The following MRE11 variants were observed in gnomAD, a reference collection of about 807,000 sequenced individuals.
The protein encoded by MRE11 is double-strand break repair protein MRE11.
Under a neutral mutation model 91.7 loss-of-function variants are expected in MRE11, and 62 were observed. That is an observed-to-expected ratio of 0.68 (90% confidence interval 0.55 to 0.84). The LOEUF is 0.84. Ranked by LOEUF, MRE11 falls within the 40% of genes least tolerant of loss-of-function variation. The pLI is 0.00. For missense variants in MRE11, 796 were observed against 852.9 expected (o/e 0.93, Z 0.83); for synonymous variants, 273 against 271.4 (o/e 1.01, Z -0.06).
intron 12 of MRE11, among the ~76,000 whole-genome samples, 196 bp downstream of exon 12, chr11:94,460,740 T>C (rs1946392411): frequency 1.3e-5 from 2 of 152,172 alleles, no homozygotes; most frequent in Non-Finnish European, 2.9e-5. Flanking sequence ...ACAGTACTAA[T>C]AACTAACATT....
chr11:94,494,004 A>C (rs956675499), upstream of MRE11: 8 of 152,356 alleles, frequency 5.3e-5, no homozygotes, highest in Non-Finnish European at 7.3e-5. Flanking sequence ...CCCGGAAGTG[A>C]GATGCAAGGC....
At chr11:94,471,808 A>G (rs560563611) in intron 7 of MRE11, 49 bp from the exon 8 acceptor site, 28 of 1,425,118 alleles carry the variant, frequency 2.0e-5, no homozygotes, top group Non-Finnish European at 2.3e-5. Context: ...GAAAAATTTC[A>G]TATTATTGAA....
At chr11:94,449,145 C>A (rs1272629697) in intron 14 of MRE11, among the ~76,000 whole-genome samples, 2 of 152,062 alleles carry the variant, frequency 1.3e-5, no homozygotes, top group African/African-American at 4.8e-5. Flanking sequence ...AGTAAGGAGA[C>A]CCAGGGCTAA....
At chr11:94,489,663 C>G (rs1207638070) in intron 3 of MRE11, among the ~76,000 whole-genome samples, 1 of 152,092 alleles carries the variant, frequency 6.6e-6, no homozygotes, top group Non-Finnish European at 1.5e-5. Flanking sequence ...AAGGACCTAG[C>G]AGATAAACTT....
intron 6 of MRE11, among the ~76,000 whole-genome samples, chr11:94,476,715 T>G (rs549246420): frequency 6.7e-6 from 1 of 149,898 alleles, no homozygotes; most frequent in South Asian, 2.1e-4. Context: ...TGTTTCAGGG[T>G]TTTTTTTCTT....
chr11:94,455,789 A>AT (rs1221606147), intron 14 of MRE11, among the ~76,000 whole-genome samples: 1 of 152,188 alleles, frequency 6.6e-6, no homozygotes, highest in Non-Finnish European at 1.5e-5. Context: ...GTAAGATAAG[A>AT]TTTTATCTAT....
At chr11:94,466,627 T>C (rs1464027084) in intron 10 of MRE11, 1 of 378,156 alleles carries the variant, frequency 2.6e-6, no homozygotes. Context: ...ATACAACTAG[T>C]GGTTGGGCCA....
Position 94,417,912 on chromosome 11 carries a change from T to C in MRE11, c.*2213A>G, listed in dbSNP as rs1945069383. 4.3e-6 allele frequency: 1 copy of C among 232,980 alleles called. No homozygotes were observed. Among genetic ancestry groups the C allele is most frequent in the Admixed American group, 5.6e-5 (1 of 17,778 alleles). 14.4% of individuals were successfully genotyped at this position (232,980 alleles called of 1,614,324 possible). A position where few individuals can be genotyped will look rare whatever the true frequency, so the allele number is the denominator to read the frequency against. ...TTAACCTTGTAAATGCACTGTTGTA[T>C]TTTTATGATAGGAAATAAAACACCA... On this transcript the variant is annotated 3_prime_UTR_variant, in exon 20 of 20. Coordinates refer to ENST00000323929, the MANE Select transcript of MRE11 (RefSeq NM_005591.4).
Position 94,478,745 on chromosome 11 carries a change from T to A in MRE11, c.534A>T (p.Leu178=). Residue 178 remains leucine, a synonymous_variant, in exon 6 of 20, where the codon CTA becomes CTT. Coordinates refer to ENST00000323929, the MANE Select transcript of MRE11 (RefSeq NM_005591.4). ...LLQKGSTKIA[L]YGLGSIPDER... is the part of the protein sequence containing the mutation. Reference sequence around the variant, plus strand: ...ATAAAACTGTCTTACCTAAACCATATAGCGCAATCTTTGTGCTTCCTTTTT... The same window carrying A: ...ATAAAACTGTCTTACCTAAACCATAAAGCGCAATCTTTGTGCTTCCTTTTT... 1 of 1,612,592 alleles carries A rather than the reference T, an allele frequency of 6.2e-7. No individual in the cohort carries two copies. The highest frequency in any genetic ancestry group is 8.5e-7 in the Non-Finnish European group (1 of 1,179,780).
intron 16 of MRE11, among the ~76,000 whole-genome samples, chr11:94,438,118 A>G (rs1316566856): frequency 6.6e-6 from 1 of 152,062 alleles, no homozygotes; most frequent in Non-Finnish European, 1.5e-5. Flanking sequence ...ACAGAGCGAA[A>G]CTCCGTCTCA....
At chr11:94,477,252 G>C (rs946280191) in intron 6 of MRE11, among the ~76,000 whole-genome samples, 1 of 151,970 alleles carries the variant, frequency 6.6e-6, no homozygotes, top group Non-Finnish European at 1.5e-5. Flanking sequence ...TATTAAAAGG[G>C]ATGATAAAAG....
intron 14 of MRE11, among the ~76,000 whole-genome samples, chr11:94,452,064 G>A (rs1946122321): frequency 6.6e-6 from 1 of 151,932 alleles, no homozygotes; most frequent in African/African-American, 2.4e-5. Context: ...AAATTAGCTG[G>A]GCATGGTAGC....
intron 15 of MRE11, among the ~76,000 whole-genome samples, chr11:94,446,998 C>A (rs1468327973): frequency 3.3e-5 from 5 of 152,100 alleles, no homozygotes; most frequent in Admixed American, 3.3e-4. Flanking sequence ...GTGCTAAGAA[C>A]AATTAAAACC....
the MRE11 span, among the ~76,000 whole-genome samples, chr11:94,504,248 AT>A: frequency 1.3e-5 from 2 of 152,128 alleles, no homozygotes; most frequent in African/African-American, 4.8e-5. Flanking sequence ...CATAAGTTAT[AT>A]TTTTATGAAG....
intron 15 of MRE11, among the ~76,000 whole-genome samples, chr11:94,446,276 G>A (rs1945927486): frequency 6.6e-6 from 1 of 152,058 alleles, no homozygotes; most frequent in Non-Finnish European, 1.5e-5. Context: ...GCATGATGAT[G>A]GGCCCCTGTA....
intron 18 of MRE11, among the ~76,000 whole-genome samples, chr11:94,434,162 G>A (rs1030676596): frequency 6.6e-6 from 1 of 152,168 alleles, no homozygotes; most frequent in African/African-American, 2.4e-5. Flanking sequence ...TACCACTAAA[G>A]TGTAAATTCC....
chr11:94,469,868 A>G (rs1000554041), intron 9 of MRE11, among the ~76,000 whole-genome samples: 2 of 152,210 alleles, frequency 1.3e-5, no homozygotes, highest in African/African-American at 4.8e-5. Flanking sequence ...ACTGAGCGTC[A>G]GCAAGTGATG....
intron 3 of MRE11, 39 bp downstream of exon 3, chr11:94,490,794 G>A (rs184707191): frequency 4.3e-6 from 7 of 1,609,272 alleles, no homozygotes; most frequent in Middle Eastern, 1.7e-4. Context: ...TTAACCAAGG[G>A]AATATGGTAG....
intron 13 of MRE11, among the ~76,000 whole-genome samples, chr11:94,457,800 G>C (rs1406470111): frequency 1.3e-5 from 2 of 151,884 alleles, no homozygotes; most frequent in Non-Finnish European, 2.9e-5. Flanking sequence ...GCTAATAAGG[G>C]TTTTGATTTT....
Sources: allele counts gnomAD v4.1 joint callset (sites outside exome capture counted in the v4.1 genomes callset), GRCh38; gene constraint gnomAD v4.1.1; transcripts MANE v1.5; gene names NCBI Gene and HGNC (gene_info 2026-07-23, HGNC 2026-07-21).